DROSHA: variants seen among roughly 807,000 people sequenced by gnomAD.
DROSHA encodes the protein ribonuclease 3.
DROSHA carries 56 observed loss-of-function variants against 181.9 expected under a neutral mutation model. The observed-to-expected ratio is 0.31, with a 90% confidence interval of 0.25 to 0.38. The LOEUF (loss-of-function observed/expected upper bound fraction) is 0.38. DROSHA is among the 10% of genes least tolerant of loss of function. The probability of loss-of-function intolerance (pLI) is 1.00; values close to 1 mark genes in which losing one functional copy is unlikely to be tolerated. For synonymous variants in DROSHA, 524 were observed against 591.2 expected, an observed-to-expected ratio of 0.89 and a Z score of 1.65; for missense variants, 1,218 against 1,743.5, an observed-to-expected ratio of 0.70 and a Z score of 5.37.
intron 11 of DROSHA, among the ~76,000 whole-genome samples, chr5:31,495,996 G>A (rs1317976986): frequency 6.6e-6 from 1 of 152,216 alleles, no homozygotes; most frequent in Non-Finnish European, 1.5e-5. Flanking sequence ...TTGGGGCTGG[G>A]AGAGGTGTGA....
At chr5:31,473,622 T>C (rs6893045) in intron 16 of DROSHA, among the ~76,000 whole-genome samples, 137,793 of 152,188 alleles carry the variant, frequency 0.91, 62,959 homozygotes, top group Non-Finnish European at 0.97. Flanking sequence ...AAAGATCAGG[T>C]TGAGGTGAGT....
At chr5:31,502,874 T>A (rs1737457376) in intron 11 of DROSHA, among the ~76,000 whole-genome samples, 1 of 152,192 alleles carries the variant, frequency 6.6e-6, no homozygotes, top group Admixed American at 6.5e-5. Context: ...GTGTACCTGG[T>A]CATCCACTTT....
chr5:31,417,114 G>C (rs1742037368), intron 30 of DROSHA, among the ~76,000 whole-genome samples: 1 of 152,154 alleles, frequency 6.6e-6, no homozygotes, highest in South Asian at 2.1e-4. Context: ...ATTTATTCAG[G>C]GTAGGTTAAG....
At chr5:31,458,926 C>A (rs1748025065) in intron 20 of DROSHA, among the ~76,000 whole-genome samples, 1 of 152,166 alleles carries the variant, frequency 6.6e-6, no homozygotes, top group African/African-American at 2.4e-5. Flanking sequence ...ACTGTAGGAA[C>A]TCTACAGGAC....
At chr5:31,446,938 TCTGAGGCGTGAGAATCGCTTGAACC>T (rs1315925496) in intron 23 of DROSHA, among the ~76,000 whole-genome samples, 2 of 151,892 alleles carry the variant, frequency 1.3e-5, no homozygotes, top group African/African-American at 4.8e-5. Context: ...TACTCAGGTG[TCTGAGGCGTGAGAATCGCTTGAACC>T]CAGGAGGCGG....
intron 26 of DROSHA, among the ~76,000 whole-genome samples, chr5:31,430,705 T>C (rs1744071226): frequency 6.6e-6 from 1 of 152,172 alleles, no homozygotes; most frequent in South Asian, 2.1e-4. Context: ...ATGTGACAAA[T>C]TCTTTGAAAA....
chr5:31,453,284 C>T (rs896618344), intron 20 of DROSHA, among the ~76,000 whole-genome samples: 1 of 152,168 alleles, frequency 6.6e-6, no homozygotes, highest in Admixed American at 6.5e-5. Context: ...CAGCCTCGAC[C>T]TTCCAGGCTC....
At chr5:31,473,963 G>A (rs1357991507) in intron 16 of DROSHA, among the ~76,000 whole-genome samples, 1 of 152,212 alleles carries the variant, frequency 6.6e-6, no homozygotes, top group African/African-American at 2.4e-5. Context: ...TTCACCATAT[G>A]TGCCATGCAC....
chr5:31,428,438 A>G (rs1743742455), intron 27 of DROSHA, among the ~76,000 whole-genome samples: 1 of 152,220 alleles, frequency 6.6e-6, no homozygotes, highest in East Asian at 1.9e-4. Flanking sequence ...AACACACACC[A>G]TCTGATACAG....
intron 16 of DROSHA, among the ~76,000 whole-genome samples, chr5:31,473,080 C>T (rs1397774436): frequency 6.7e-6 from 1 of 149,604 alleles, no homozygotes; most frequent in African/African-American, 2.6e-5. Flanking sequence ...AGGACAAGAG[C>T]CCTGAAGAGG....
intron 11 of DROSHA, among the ~76,000 whole-genome samples, chr5:31,496,380 T>C (rs1043728509): frequency 6.6e-6 from 1 of 152,120 alleles, no homozygotes; most frequent in African/African-American, 2.4e-5. Context: ...TGAGCCAAGA[T>C]TGCACAACTG....
At chr5:31,404,280 A>T (rs1448831757) in intron 35 of DROSHA, among the ~76,000 whole-genome samples, 1 of 152,194 alleles carries the variant, frequency 6.6e-6, no homozygotes, top group Non-Finnish European at 1.5e-5. Flanking sequence ...CAAACAAAAA[A>T]TGGAATCTCA....
chr5:31,473,214 A>C (rs1028016739), intron 16 of DROSHA, among the ~76,000 whole-genome samples: 1 of 152,226 alleles, frequency 6.6e-6, no homozygotes, highest in African/African-American at 2.4e-5. Context: ...CACAAAAGAG[A>C]GTGTCCTCCT....
At chr5:31,408,994 A>G (rs1740986037) in intron 33 of DROSHA, 62 bp downstream of exon 33, 1 of 1,492,156 alleles carries the variant, frequency 6.7e-7, no homozygotes, top group Non-Finnish European at 9.2e-7. Context: ...TTCAAGGCAC[A>G]TGGAAAGTCA....
At chr5:31,406,190 C>T (rs1042076985) in intron 34 of DROSHA, among the ~76,000 whole-genome samples, 3 of 152,056 alleles carry the variant, frequency 2.0e-5, no homozygotes, top group African/African-American at 7.3e-5. Context: ...TTCCATACAG[C>T]TCAGGTGAGT....
intron 6 of DROSHA, among the ~76,000 whole-genome samples, chr5:31,519,803 C>G (rs539311807): frequency 2.6e-5 from 4 of 152,176 alleles, no homozygotes; most frequent in Non-Finnish European, 5.9e-5. Context: ...ACTGAGATAA[C>G]CCTACAGATT....
chr5:31,406,277 G>T (rs187537882), intron 34 of DROSHA, among the ~76,000 whole-genome samples: 19 of 152,172 alleles, frequency 1.2e-4, no homozygotes, highest in African/African-American at 2.9e-4. Flanking sequence ...GGAGGCTGAG[G>T]GGGGGTTGGG....
rs182086012 is a variant in DROSHA, at chr5:31,440,654, C to A, written c.2883-3356G>T. ...TGGAAAGCAATTACAGGTTAAGCAA[C>A]CATAACCCAAAATCCAAAGTGTTCC... On this transcript the variant is annotated intron_variant, in intron 23 of 35. Transcript: ENST00000344624. Among the ~76,000 whole-genome samples the A allele has an allele frequency of 2.7e-4, 41 of 152,258 alleles. No homozygotes were observed. The East Asian group carries it at 7.7e-3, about 29-fold the overall frequency.
intron 28 of DROSHA, chr5:31,423,214 T>C (rs571777593): frequency 4.4e-6 from 1 of 225,674 alleles, no homozygotes; most frequent in East Asian, 1.1e-4. Context: ...AGTATTATAC[T>C]AACTCTCCAA....
Sources: allele counts gnomAD v4.1 joint callset (sites outside exome capture counted in the v4.1 genomes callset), GRCh38; gene constraint gnomAD v4.1.1; transcripts MANE v1.5; gene names NCBI Gene and HGNC (gene_info 2026-07-23, HGNC 2026-07-21).